The following NETO1 variants were observed in gnomAD, a reference collection of about 807,000 sequenced individuals.
NETO1 encodes the protein neuropilin and tolloid like 1.
NETO1 carries 26 observed loss-of-function variants against 61.3 expected under a neutral mutation model. The ratio of observed to expected loss-of-function variants is 0.42; its 90% CI spans 0.31 to 0.59. The LOEUF is 0.59. Ranked by LOEUF, NETO1 falls within the 20% of genes least tolerant of loss-of-function variation. NETO1 has a pLI of 0.12. For synonymous variants in NETO1, 225 were observed against 225.8 expected (o/e 1.00, Z 0.03); for missense variants, 531 against 662.8 (o/e 0.80, Z 2.18).
intron 4 of NETO1, among the ~76,000 whole-genome samples, chr18:72,807,715 A>AACAC (rs72126949): frequency 1.3e-3 from 85 of 65,350 alleles, no homozygotes; most frequent in South Asian, 3.3e-3. Flanking sequence ...TGAAGACAAG[A>AACAC]ACACACACAC....
At chr18:72,857,345 G>C (rs1456850791) in intron 4 of NETO1, among the ~76,000 whole-genome samples, 1 of 152,086 alleles carries the variant, frequency 6.6e-6, no homozygotes, top group East Asian at 1.9e-4. Context: ...GGAACAAAAA[G>C]GTTTTTTAAA....
intron 4 of NETO1, among the ~76,000 whole-genome samples, chr18:72,817,085 T>C (rs1233404604): frequency 6.6e-6 from 1 of 152,190 alleles, no homozygotes; most frequent in Non-Finnish European, 1.5e-5. Flanking sequence ...CAGTTTCCCA[T>C]CAAGAGGCAG....
At chr18:72,742,879 C>A (rs534917384), downstream of NETO1, 11 of 152,272 alleles carry the variant, frequency 7.2e-5, no homozygotes, top group African/African-American at 2.6e-4. Context: ...GCATGTGACC[C>A]TCAGTATGTT....
intron 6 of NETO1, among the ~76,000 whole-genome samples, chr18:72,790,060 G>A (rs11151800): frequency 0.34 from 52,247 of 152,002 alleles, 9,373 homozygotes; most frequent in Non-Finnish European, 0.4. Context: ...TTGACTGAAA[G>A]TATTTTTGAA....
chr18:72,776,879 T>C (rs12607733), intron 7 of NETO1, among the ~76,000 whole-genome samples: 53,469 of 152,052 alleles, frequency 0.35, 10,089 homozygotes, highest in East Asian at 0.59. Context: ...GCCCTAAAAG[T>C]CTTAACTTGT....
In NETO1 at chr18:72,867,475, C is replaced by A. The variant is rs1036510570; in HGVS notation, c.-184G>T. On this transcript the variant is annotated 5_prime_UTR_variant, in exon 1 of 11. Transcript: ENST00000327305. Reference sequence around the variant, plus strand: ...CTCCGAGCCCACGCTGCAGCCAGATCCGGATGAGTCCGTCCTCCGCCCCGG... The same window carrying A: ...CTCCGAGCCCACGCTGCAGCCAGATACGGATGAGTCCGTCCTCCGCCCCGG... The A allele has an allele frequency of 2.5e-6, 1 of 407,058 alleles. No individual in the cohort carries two copies. The highest frequency in any genetic ancestry group is 4.4e-6 in the Non-Finnish European group (1 of 229,666). The allele number at this position is 407,058 out of a possible 1,614,324, so 25.2% of individuals were successfully genotyped here. A position where few individuals can be genotyped will look rare whatever the true frequency, so the allele number is the denominator to read the frequency against.
At chr18:72,832,056 G>A (rs1169394612) in intron 4 of NETO1, among the ~76,000 whole-genome samples, 1 of 152,150 alleles carries the variant, frequency 6.6e-6, no homozygotes, top group East Asian at 1.9e-4. Context: ...GTTTCCCTAA[G>A]TAGGATATAA....
intron 4 of NETO1, among the ~76,000 whole-genome samples, chr18:72,802,664 T>C (rs138409667): frequency 0.012 from 1,836 of 152,326 alleles, 20 homozygotes; most frequent in Middle Eastern, 0.024. Flanking sequence ...TCTGGATTGA[T>C]TGACATTTGC....
At chr18:72,760,796 C>T (rs1258320155) in intron 7 of NETO1, among the ~76,000 whole-genome samples, 1 of 152,144 alleles carries the variant, frequency 6.6e-6, no homozygotes, top group Non-Finnish European at 1.5e-5. Context: ...TGTGCAGAGA[C>T]TGTGGAATCA....
At chr18:72,818,864 C>T (rs1299376511) in intron 4 of NETO1, among the ~76,000 whole-genome samples, 1 of 151,984 alleles carries the variant, frequency 6.6e-6, no homozygotes, top group African/African-American at 2.4e-5. Flanking sequence ...GTATAATATT[C>T]CAATTTTAAC....
chr18:72,772,839 A>C (rs1355074048), intron 7 of NETO1, among the ~76,000 whole-genome samples: 2,241 of 22,988 alleles, frequency 0.097, 25 homozygotes, highest in African/African-American at 0.11. Flanking sequence ...ATATATATAT[A>C]TATATATATA....
intron 1 of NETO1, chr18:72,865,634 G>A: frequency 6.3e-7 from 1 of 1,593,260 alleles, no homozygotes; most frequent in Admixed American, 1.8e-5. Context: ...GTAAAAAGGA[G>A]GAAAAGGAGA....
intron 7 of NETO1, among the ~76,000 whole-genome samples, chr18:72,779,615 G>A (rs2071670908): frequency 1.3e-5 from 2 of 152,042 alleles, no homozygotes; most frequent in African/African-American, 4.8e-5. Flanking sequence ...CATCTCTTAC[G>A]TGGAATACTT....
chr18:72,826,199 G>A (rs1280888332), intron 4 of NETO1, among the ~76,000 whole-genome samples: 1 of 151,992 alleles, frequency 6.6e-6, no homozygotes, highest in African/African-American at 2.4e-5. Context: ...CTTACAGCTT[G>A]TTATTTTATT....
chr18:72,791,468 C>T (rs1186865773), intron 6 of NETO1, among the ~76,000 whole-genome samples: 2 of 152,186 alleles, frequency 1.3e-5, no homozygotes, highest in African/African-American at 4.8e-5. Flanking sequence ...AAGCCACTTC[C>T]CATCCTCTAA....
chr18:72,794,872 C>T (rs538022521), intron 4 of NETO1, among the ~76,000 whole-genome samples: 1 of 152,290 alleles, frequency 6.6e-6, no homozygotes, highest in South Asian at 2.1e-4. Flanking sequence ...AGTGTAGTAA[C>T]ACAGTTTTTA....
At chr18:72,842,260 A>C (rs1568250111) in intron 4 of NETO1, among the ~76,000 whole-genome samples, 1 of 152,190 alleles carries the variant, frequency 6.6e-6, no homozygotes, top group Non-Finnish European at 1.5e-5. Flanking sequence ...ACATCGATTG[A>C]GGGAATTATT....
intron 4 of NETO1, among the ~76,000 whole-genome samples, chr18:72,823,893 CT>C (rs1292902294): frequency 2.0e-5 from 3 of 152,018 alleles, no homozygotes; most frequent in African/African-American, 7.2e-5. Context: ...CTCTCTGCCC[CT>C]AAACAGAGGA....
intron 6 of NETO1, among the ~76,000 whole-genome samples, chr18:72,788,930 C>G (rs2072016115): frequency 6.6e-6 from 1 of 152,086 alleles, no homozygotes; most frequent in Non-Finnish European, 1.5e-5. Context: ...TTATTTACCA[C>G]TTGCCAGAAC....
Sources: gnomAD v4.1 joint callset for allele counts (sites outside exome capture counted in the v4.1 genomes callset) on GRCh38, gnomAD v4.1.1 for gene constraint, MANE v1.5 for transcripts, NCBI Gene and HGNC (gene_info 2026-07-23, HGNC 2026-07-21) for gene names.